PTPRN2: variants seen among roughly 807,000 people sequenced by gnomAD.
PTPRN2 encodes the protein receptor-type tyrosine-protein phosphatase N2.
Under a neutral mutation model 118.8 loss-of-function variants are expected in PTPRN2, and 74 were observed. The ratio of observed to expected loss-of-function variants is 0.62; its 90% CI spans 0.52 to 0.76. The LOEUF (loss-of-function observed/expected upper bound fraction) is 0.76. Ranked by LOEUF, PTPRN2 falls within the 30% of genes least tolerant of loss-of-function variation. The pLI, the probability that PTPRN2 is intolerant of heterozygous loss-of-function variation, is 0.00. For missense variants in PTPRN2, 1,481 were observed against 1,394.4 expected, an observed-to-expected ratio of 1.06 and a Z score of -0.99; for synonymous variants, 641 against 608.0, an observed-to-expected ratio of 1.05 and a Z score of -0.80.
At chr7:158,488,941 C>CAGTT (rs2129445350) in intron 2 of PTPRN2, among the ~76,000 whole-genome samples, 1 of 152,368 alleles carries the variant, frequency 6.6e-6, no homozygotes, top group East Asian at 1.9e-4. Context: ...GCACAGCGCC[C>CAGTT]AGTTCACCAG....
rs1827955087 is a variant in PTPRN2 at position 158,570,446 on chromosome 7, TCA to T, written c.112+17110_112+17111del. 6.6e-6 allele frequency among the ~76,000 whole-genome samples: 1 copy of T among 152,102 alleles called. No homozygotes were observed. The highest frequency in any genetic ancestry group is 6.5e-5 in the Admixed American group (1 of 15,280). ...CAGCACCCTCTCCCACCATCCATCC[TCA>T]CAGACGGACTCTGCACCGTGAGAAA... On this transcript the variant is annotated intron_variant, in intron 1 of 22. Transcript: ENST00000389418. The surrounding 1 kb of genome is among the most constrained non-coding windows in gnomAD (Gnocchi z 4.5).
At chr7:158,428,726 C>A (rs560643947) in intron 2 of PTPRN2, among the ~76,000 whole-genome samples, 1 of 151,342 alleles carries the variant, frequency 6.6e-6, no homozygotes, top group Non-Finnish European at 1.5e-5. Flanking sequence ...CCAAGTCTAA[C>A]GGAGGCAGTC....
In PTPRN2 at chr7:158,205,192, G is replaced by A. The variant is rs1485473038; in HGVS notation, c.359C>T (p.Pro120Leu). 12 of 1,614,094 alleles carry A rather than the reference G, an allele frequency of 7.4e-6. No individual in the cohort carries two copies. Among genetic ancestry groups the A allele is most frequent in the African/African-American group, 1.3e-5 (1 of 75,030 alleles). Residue 120 changes from proline (P) to leucine (L), a missense_variant, in exon 4 of 23, where the codon CCT becomes CTT. Pro to Leu is a moderately conservative substitution (Grantham distance 98). This residue lies in a region of PTPRN2 where 1,115 missense variants were observed against 994.2 expected (regional missense o/e 1.12). Coordinates refer to ENST00000389418, the MANE Select transcript of PTPRN2 (RefSeq NM_002847.5). ...TTACCTGGCTGGGCTGGATGCTTCA[G>A]GACGCCTCAGGTAGGTTTTCGGGAG... Reference protein sequence around the residue: ...ADLPKTYLRRPEASSPARPSK... With the variant: ...ADLPKTYLRRLEASSPARPSK...
intron 11 of PTPRN2, among the ~76,000 whole-genome samples, chr7:157,899,784 A>G (rs150847190): frequency 6.6e-6 from 1 of 152,298 alleles, no homozygotes; most frequent in East Asian, 1.9e-4. Context: ...ACTATTTTCT[A>G]CATATAACTA....
chr7:157,839,443 C>CTGTG (rs1431004638), intron 12 of PTPRN2, among the ~76,000 whole-genome samples: 1 of 149,980 alleles, frequency 6.7e-6, no homozygotes, highest in Non-Finnish European at 1.5e-5. Flanking sequence ...GTGTGTCTGG[C>CTGTG]TGTGTGTGTG....
chr7:157,820,553 C>G (rs1479665743), intron 12 of PTPRN2, among the ~76,000 whole-genome samples: 1 of 151,474 alleles, frequency 6.6e-6, no homozygotes, highest in African/African-American at 2.4e-5. Context: ...CGTGCACACA[C>G]ACGCACACAC....
intron 2 of PTPRN2, among the ~76,000 whole-genome samples, chr7:158,450,940 C>T (rs1257626877): frequency 2.0e-5 from 3 of 152,182 alleles, no homozygotes; most frequent in Admixed American, 6.5e-5. Flanking sequence ...TCCAAGCCCC[C>T]GAGGAGCTCA....
chr7:157,640,715 C>A (rs181141540), intron 14 of PTPRN2, among the ~76,000 whole-genome samples: 1 of 152,138 alleles, frequency 6.6e-6, no homozygotes, highest in Non-Finnish European at 1.5e-5. Context: ...AACCACCATC[C>A]GACCAGCAAC....
chr7:158,535,400 G>A (rs905752372), intron 1 of PTPRN2, among the ~76,000 whole-genome samples: 7 of 152,138 alleles, frequency 4.6e-5, no homozygotes, highest in African/African-American at 1.7e-4. Flanking sequence ...GATTTAAAAT[G>A]CCCACCTCAC....
intron 11 of PTPRN2, among the ~76,000 whole-genome samples, chr7:157,911,964 C>T (rs574507748): frequency 7.9e-5 from 12 of 152,258 alleles, no homozygotes; most frequent in African/African-American, 2.4e-4. Flanking sequence ...TGGAGCATCA[C>T]GCTTTATTTT....
At chr7:158,146,504 G>C (rs1294294246) in intron 6 of PTPRN2, among the ~76,000 whole-genome samples, 17 of 151,996 alleles carry the variant, frequency 1.1e-4, no homozygotes. Flanking sequence ...TGCGGATCAC[G>C]AGGTCAGGAG....
At position 157,716,587 on chromosome 7, in the gene PTPRN2, G is replaced by T. The variant is rs1426278117; in HGVS notation, c.1789-33650C>A. Among the ~76,000 whole-genome samples, 7 of 69,640 alleles carry T rather than the reference G, an allele frequency of 1.0e-4. 1 individual carries two copies. Among genetic ancestry groups the T allele is most frequent in the Non-Finnish European group, 1.9e-4 (7 of 37,642 alleles). 45.7% of individuals were successfully genotyped at this position (69,640 alleles called of 152,430 possible). On this transcript the variant is annotated intron_variant, in intron 12 of 22. Transcript: ENST00000389418. Reference sequence around the variant, plus strand: ...AACACTGCCTGGCCACGTAGACTCTGCGGGAACACTGCCTGGTCACACAGA... The same window carrying T: ...AACACTGCCTGGCCACGTAGACTCTTCGGGAACACTGCCTGGTCACACAGA...
intron 3 of PTPRN2, among the ~76,000 whole-genome samples, chr7:158,282,501 C>A (rs118122749): frequency 0.043 from 6,583 of 152,282 alleles, 300 homozygotes; most frequent in South Asian, 0.25. Context: ...GGCAGAGCAG[C>A]GGGGTCGAGG....
chr7:157,547,206 G>A (rs919300333), intron 22 of PTPRN2, among the ~76,000 whole-genome samples: 10 of 152,160 alleles, frequency 6.6e-5, no homozygotes, highest in African/African-American at 1.9e-4. Context: ...GGTGGCTCTC[G>A]CTGACCATTC....
At chr7:158,112,773 G>T (rs1816391863) in intron 9 of PTPRN2, among the ~76,000 whole-genome samples, 1 of 151,436 alleles carries the variant, frequency 6.6e-6, no homozygotes, top group East Asian at 2.0e-4. Flanking sequence ...ATCCATGTGT[G>T]CAGAGGTCAG....
intron 4 of PTPRN2, among the ~76,000 whole-genome samples, chr7:158,195,605 C>T (rs1225006381): frequency 6.9e-6 from 1 of 144,922 alleles, no homozygotes; most frequent in Non-Finnish European, 1.5e-5. Context: ...TGTCCCATAG[C>T]TCACTGGTGT....
At chr7:158,348,306 ATTCACAGCCCCAGAGCCAC>A in intron 2 of PTPRN2, among the ~76,000 whole-genome samples, 1 of 150,776 alleles carries the variant, frequency 6.6e-6, no homozygotes. Flanking sequence ...TGGGTTCCCC[ATTCACAGCCCCAGAGCCAC>A]CCTGGGGTCC....
At chr7:157,557,219 TCATA>T (rs751126686) in intron 21 of PTPRN2, among the ~76,000 whole-genome samples, 1 of 145,070 alleles carries the variant, frequency 6.9e-6, no homozygotes, top group Non-Finnish European at 1.5e-5. Flanking sequence ...CTTACATAGG[TCATA>T]CATATGCACA....
At chr7:158,050,939 G>C (rs971666343) in intron 11 of PTPRN2, among the ~76,000 whole-genome samples, 23 of 152,236 alleles carry the variant, frequency 1.5e-4, no homozygotes, top group Non-Finnish European at 3.1e-4. Flanking sequence ...GCAGGAGTGA[G>C]GAGCACTGAG....
Sources: allele counts gnomAD v4.1 joint callset (sites outside exome capture counted in the v4.1 genomes callset), GRCh38; gene constraint gnomAD v4.1.1; regional missense constraint gnomAD v4.1.1; non-coding constraint Gnocchi (gnomAD v3.1); transcripts MANE v1.5; gene names NCBI Gene and HGNC (gene_info 2026-07-23, HGNC 2026-07-21).